SLC7A6: variants seen among roughly 807,000 people sequenced by gnomAD.
SLC7A6 encodes Y+L amino acid transporter 2.
In SLC7A6, 29 loss-of-function variants were observed where a neutral mutation model predicts 46.6. That is an observed-to-expected ratio of 0.62 (90% CI 0.46 to 0.85). SLC7A6 has a LOEUF of 0.85. Among genes scored for constraint, SLC7A6 ranks in the 40% least tolerant of loss-of-function variants. The pLI is 0.00. For missense variants in SLC7A6, 527 were observed against 647.6 expected, an observed-to-expected ratio of 0.81 and a Z score of 2.02; for synonymous variants, 276 against 257.3, an observed-to-expected ratio of 1.07 and a Z score of -0.70.
intron 1 of SLC7A6, among the ~76,000 whole-genome samples, chr16:68,266,104 C>G (rs1323711881): frequency 6.6e-6 from 1 of 151,960 alleles, no homozygotes; most frequent in Non-Finnish European, 1.5e-5. Flanking sequence ...ACTAAAAATA[C>G]AAAAATTGAG....
chr16:68,264,559 G>A lies in SLC7A6; in HGVS notation c.-183G>A, dbSNP rs1017877754. ...GGCGGCGCGACCGAGCATCCTGGCGGCGCCGGGCCACTGGGAGGTAACGGG... is the reference window on the plus strand; with the variant it reads ...GGCGGCGCGACCGAGCATCCTGGCGACGCCGGGCCACTGGGAGGTAACGGG... On this transcript the variant is annotated 5_prime_UTR_variant, in exon 1 of 11. Coordinates refer to ENST00000219343, the MANE Select transcript of SLC7A6 (RefSeq NM_003983.6). The surrounding 1 kb of genome is among the most constrained non-coding windows in gnomAD (Gnocchi z 5.8). 9 of 151,878 alleles carry A rather than the reference G, an allele frequency of 5.9e-5. No homozygotes were observed. The highest frequency in any genetic ancestry group is 1.9e-4 in the South Asian group (1 of 5,286). The allele number at this position is 151,878 out of a possible 1,614,324, so 9.4% of individuals were successfully genotyped here.
At chr16:68,292,713 C>T (rs1656188185) in intron 7 of SLC7A6, 1 of 152,150 alleles carries the variant, frequency 6.6e-6, no homozygotes, top group African/African-American at 2.4e-5. Flanking sequence ...AACTTTCATT[C>T]ATTTTCCCAT....
chr16:68,301,555 T>C lies in SLC7A6; in HGVS notation c.*4227T>C. 1.6e-6 allele frequency: 1 copy of C among 609,450 alleles called. No homozygotes were observed. Among genetic ancestry groups the C allele is most frequent in the African/African-American group, 1.9e-5 (1 of 52,892 alleles). 37.8% of individuals were successfully genotyped at this position (609,450 alleles called of 1,614,324 possible). Reference sequence around the variant, plus strand: ...TAAAAAAGAATATAGAATTCTTTTTTTTTTAAAGAAGGAATCACTTTCCTA... The same window carrying C: ...TAAAAAAGAATATAGAATTCTTTTTCTTTTAAAGAAGGAATCACTTTCCTA... On this transcript the variant is annotated 3_prime_UTR_variant, in exon 11 of 11. Transcript: ENST00000219343.
chr16:68,292,749 C>T (rs896815295), intron 7 of SLC7A6: 3 of 152,166 alleles, frequency 2.0e-5, no homozygotes, highest in African/African-American at 7.2e-5. Context: ...CTTCTACTAC[C>T]TGAAAAATAT....
intron 3 of SLC7A6, among the ~76,000 whole-genome samples, chr16:68,282,411 CAAAAT>C (rs1384381345): frequency 2.0e-5 from 3 of 151,910 alleles, no homozygotes; most frequent in South Asian, 4.2e-4. Flanking sequence ...TCTTAAAAAA[CAAAAT>C]AAAACAAAAA....
intron 2 of SLC7A6, among the ~76,000 whole-genome samples, chr16:68,267,539 A>G (rs2042556504): frequency 6.6e-6 from 1 of 152,154 alleles, no homozygotes; most frequent in Admixed American, 6.6e-5. Context: ...TTTATAAGAA[A>G]AAGTCCTCTG....
In SLC7A6 at chr16:68,300,820, A is replaced by G. The variant is rs1476409377; in HGVS notation, c.*3492A>G. 2.0e-6 allele frequency: 2 copies of G among 986,158 alleles called. No homozygotes were observed. The highest frequency in any genetic ancestry group is 2.4e-6 in the Non-Finnish European group (2 of 830,540). 61.1% of individuals were successfully genotyped at this position (986,158 alleles called of 1,614,324 possible). ...TTACTATCCAGTCTGTATTGCTACA[A>G]GGGACCCACTGGTACCCCTTTTAGA... On this transcript the variant is annotated 3_prime_UTR_variant, in exon 11 of 11. Coordinates refer to ENST00000219343, the MANE Select transcript of SLC7A6 (RefSeq NM_003983.6).
chr16:68,275,831 G>A (rs563057475), intron 3 of SLC7A6, among the ~76,000 whole-genome samples: 1 of 151,962 alleles, frequency 6.6e-6, no homozygotes, highest in East Asian at 1.9e-4. Flanking sequence ...TGTGTGACAG[G>A]TTGGGGCATG....
intron 3 of SLC7A6, among the ~76,000 whole-genome samples, chr16:68,276,421 C>T (rs2042713526): frequency 6.6e-6 from 1 of 152,186 alleles, no homozygotes; most frequent in Non-Finnish European, 1.5e-5. Context: ...CTTGCAAAAG[C>T]ATTGGCAGTA....
At chr16:68,268,609 T>C (rs1391402309) in intron 2 of SLC7A6, among the ~76,000 whole-genome samples, 1 of 152,262 alleles carries the variant, frequency 6.6e-6, no homozygotes, top group East Asian at 1.9e-4. Context: ...CAAAAATTGC[T>C]TGTGGCAGTT....
At chr16:68,291,525 C>G in intron 6 of SLC7A6, 33 bp from the exon 7 acceptor site, 1 of 1,604,792 alleles carries the variant, frequency 6.2e-7, no homozygotes, top group Non-Finnish European at 8.5e-7. Flanking sequence ...AAACCCTGTG[C>G]GTTTAAGTGC....
chr16:68,274,918 T>C lies in SLC7A6; in HGVS notation c.192T>C (p.Phe64=). 6.2e-7 allele frequency: 1 copy of C among 1,614,186 alleles called. No homozygotes were observed. Among genetic ancestry groups the C allele is most frequent in the Non-Finnish European group, 8.5e-7 (1 of 1,180,032 alleles). ...GCAACATGATCGGCTCAGGGATCTT[T>C]GTCTCACCCAAGGGTGTGCTGGTAC... ...VVGNMIGSGI[F]VSPKGVLVHT... The change falls in exon 3 of 11, where the codon TTT becomes TTC. Residue 64 remains phenylalanine, a synonymous_variant. Transcript: ENST00000219343.
chr16:68,291,526 G>T, intron 6 of SLC7A6, 32 bp from the exon 7 acceptor site: 2 of 1,609,102 alleles, frequency 1.2e-6, no homozygotes, highest in Non-Finnish European at 1.7e-6. Flanking sequence ...AACCCTGTGC[G>T]TTTAAGTGCC....
At chr16:68,276,799 A>G in intron 3 of SLC7A6, among the ~76,000 whole-genome samples, 1 of 152,064 alleles carries the variant, frequency 6.6e-6, no homozygotes, top group East Asian at 1.9e-4. Context: ...GGAATTTGAG[A>G]CCAACCTGGG....
intron 7 of SLC7A6, 102 bp downstream of exon 7, chr16:68,291,763 G>GT: frequency 3.4e-6 from 1 of 295,620 alleles, no homozygotes; most frequent in Non-Finnish European, 5.5e-6. Flanking sequence ...GGCATATAGG[G>GT]TGTGTGTGTG....
chr16:68,295,164 T>C (rs1332653794), intron 8 of SLC7A6, among the ~76,000 whole-genome samples: 1 of 152,154 alleles, frequency 6.6e-6, no homozygotes, highest in Non-Finnish European at 1.5e-5. Context: ...CCAATTATTA[T>C]TGTATGCCCC....
chr16:68,267,788 A>G (rs2151212466), intron 2 of SLC7A6, among the ~76,000 whole-genome samples: 1 of 152,306 alleles, frequency 6.6e-6, no homozygotes, highest in Non-Finnish European at 1.5e-5. Context: ...AGTCAGGATT[A>G]GAGGGTTGGG....
chr16:68,282,865 G>A (rs990769960), intron 3 of SLC7A6, among the ~76,000 whole-genome samples: 3 of 152,098 alleles, frequency 2.0e-5, no homozygotes, highest in Non-Finnish European at 2.9e-5. Context: ...TGATTTGCCC[G>A]CCTCGGCCTC....
At chr16:68,266,408 T>A (rs899874325) in intron 1 of SLC7A6, among the ~76,000 whole-genome samples, 185 bp from the exon 2 acceptor site, 1 of 152,232 alleles carries the variant, frequency 6.6e-6, no homozygotes, top group Non-Finnish European at 1.5e-5. Flanking sequence ...GTGGGTGTCA[T>A]GGAACCTGCT....
Sources: gnomAD v4.1 joint callset for allele counts (sites outside exome capture counted in the v4.1 genomes callset) on GRCh38, gnomAD v4.1.1 for gene constraint, Gnocchi (gnomAD v3.1) non-coding constraint, MANE v1.5 for transcripts, NCBI Gene and HGNC (gene_info 2026-07-23, HGNC 2026-07-21) for gene names.